The following SLC7A1 variants were observed in gnomAD, a reference collection of about 807,000 sequenced individuals.
SLC7A1 encodes solute carrier family 7 member 1.
In SLC7A1, 10 loss-of-function variants were observed where a neutral mutation model predicts 53.9. That is an observed-to-expected ratio of 0.19 (90% CI 0.11 to 0.31). The LOEUF (loss-of-function observed/expected upper bound fraction) is 0.31, where lower values mean the gene tolerates loss of function less well. SLC7A1 is among the 10% of genes least tolerant of loss of function. SLC7A1 has a pLI of 1.00. For missense variants in SLC7A1, 525 were observed against 827.2 expected, an observed-to-expected ratio of 0.63 and a Z score of 4.48; for synonymous variants, 342 against 338.7, an observed-to-expected ratio of 1.01 and a Z score of -0.11.
chr13:29,569,648 T>C (rs965491335), intron 1 of SLC7A1, among the ~76,000 whole-genome samples: 3 of 152,210 alleles, frequency 2.0e-5, no homozygotes, highest in African/African-American at 7.2e-5. Context: ...ACAGTGAGTC[T>C]AGTGATAGGT....
At position 29,545,270 on chromosome 13, in the gene SLC7A1, C is replaced by A. The variant is rs901563602; in HGVS notation, c.-15+8491G>T. On this transcript the variant is annotated intron_variant, in intron 2 of 12. Coordinates refer to ENST00000380752, the MANE Select transcript of SLC7A1 (RefSeq NM_003045.5). ...TTGTCTAGGAAGCCCTCTCCAAGCC[C>A]GTCTCCTCACAGGTAACCTCTGTCA... 2.0e-5 allele frequency among the ~76,000 whole-genome samples: 3 copies of A among 152,122 alleles called. No individual in the cohort carries two copies. In the East Asian group the frequency reaches 5.8e-4, roughly 29 times the overall value.
intron 1 of SLC7A1, among the ~76,000 whole-genome samples, chr13:29,555,670 A>AG (rs1252341644): frequency 1.7e-4 from 26 of 150,824 alleles, no homozygotes; most frequent in Admixed American, 6.6e-4. Context: ...GGAAAAAAAA[A>AG]GGGGGGGCGG....
At chr13:29,566,521 C>A (rs187621613) in intron 1 of SLC7A1, among the ~76,000 whole-genome samples, 1 of 152,190 alleles carries the variant, frequency 6.6e-6, no homozygotes, top group Non-Finnish European at 1.5e-5. Flanking sequence ...AGAAGCCAGA[C>A]ATAAAGGGTC....
chr13:29,553,609 A>G (rs1870299493), intron 2 of SLC7A1, among the ~76,000 whole-genome samples, 152 bp downstream of exon 2: 1 of 152,214 alleles, frequency 6.6e-6, no homozygotes, highest in Admixed American at 6.5e-5. Flanking sequence ...AAATTACAGC[A>G]TTTGGAAATC....
At chr13:29,589,169 A>G (rs935852394) in intron 1 of SLC7A1, among the ~76,000 whole-genome samples, 10 of 152,250 alleles carry the variant, frequency 6.6e-5, no homozygotes, top group African/African-American at 1.9e-4. Flanking sequence ...GCACCTCCGC[A>G]AGATATTGTA....
At chr13:29,528,637 A>T (rs1388225372) in intron 5 of SLC7A1, among the ~76,000 whole-genome samples, 1 of 152,164 alleles carries the variant, frequency 6.6e-6, no homozygotes, top group Non-Finnish European at 1.5e-5. Flanking sequence ...AAAAAGAAAG[A>T]AAGTTGCTTA....
chr13:29,538,052 G>A (rs982408091), intron 2 of SLC7A1, among the ~76,000 whole-genome samples: 11 of 152,156 alleles, frequency 7.2e-5, no homozygotes, highest in African/African-American at 2.7e-4. Flanking sequence ...TGCCTGCTCT[G>A]TTTTATCTGA....
At position 29,510,224 on chromosome 13, in the gene SLC7A1, G is replaced by A. The variant is rs1158624507; in HGVS notation, c.*4256C>T. On this transcript the variant is annotated 3_prime_UTR_variant, in exon 13 of 13. Transcript: ENST00000380752. ...GCCCCGAGACTCCAGGCCCAGCCGG[G>A]TCCCGATGGCGAGAGCGTTGTGGCT... 1 of 152,652 alleles carries A rather than the reference G, an allele frequency of 6.6e-6. No homozygotes were observed. The highest frequency in any genetic ancestry group is 6.5e-5 in the Admixed American group (1 of 15,284). The allele number at this position is 152,652 out of a possible 1,614,324, so 9.5% of individuals were successfully genotyped here. A position where few individuals can be genotyped will look rare whatever the true frequency, so the allele number is the denominator to read the frequency against.
At chr13:29,555,776 C>A (rs1042827743) in intron 1 of SLC7A1, among the ~76,000 whole-genome samples, 1 of 152,144 alleles carries the variant, frequency 6.6e-6, no homozygotes, top group Non-Finnish European at 1.5e-5. Flanking sequence ...AACTTGTATT[C>A]GTCACCAAGA....
intron 1 of SLC7A1, among the ~76,000 whole-genome samples, chr13:29,590,543 G>A (rs1464872950): frequency 1.3e-5 from 2 of 152,122 alleles, no homozygotes; most frequent in Admixed American, 6.5e-5. Context: ...CATGCTCAGG[G>A]AGACATCAGG....
At position 29,514,294 on chromosome 13, in the gene SLC7A1, C is replaced by A. The variant is rs1342383802; in HGVS notation, c.*186G>T. ...GGCAGCTGTCTGGAGGTGACCAGGG[C>A]CCGGAGAACCGGCTGCAGAGCCGAG... On this transcript the variant is annotated 3_prime_UTR_variant, in exon 13 of 13. Transcript: ENST00000380752. 1.2e-5 allele frequency: 7 copies of A among 593,246 alleles called. No individual in the cohort carries two copies. Among genetic ancestry groups the A allele is most frequent in the Non-Finnish European group, 2.1e-5 (7 of 330,172 alleles). 36.7% of individuals were successfully genotyped at this position (593,246 alleles called of 1,614,324 possible).
At chr13:29,518,355 A>G (rs1312100350) in intron 9 of SLC7A1, among the ~76,000 whole-genome samples, 1 of 152,212 alleles carries the variant, frequency 6.6e-6, no homozygotes, top group Admixed American at 6.5e-5. Context: ...TTTCCAAGAC[A>G]TGAGCTACCT....
intron 1 of SLC7A1, among the ~76,000 whole-genome samples, chr13:29,592,600 G>A (rs1438462265): frequency 2.0e-5 from 3 of 152,198 alleles, no homozygotes; most frequent in Admixed American, 2.0e-4. Context: ...AACCACAGGG[G>A]TGGTTATTTT....
chr13:29,520,379 G>T (rs1431984777), intron 8 of SLC7A1, among the ~76,000 whole-genome samples: 1 of 152,154 alleles, frequency 6.6e-6, no homozygotes, highest in Non-Finnish European at 1.5e-5. Context: ...GGACTCACAG[G>T]AGGTCCTAAC....
intron 5 of SLC7A1, among the ~76,000 whole-genome samples, chr13:29,525,768 G>T (rs1292997815): frequency 6.6e-6 from 1 of 152,206 alleles, no homozygotes; most frequent in Non-Finnish European, 1.5e-5. Context: ...AGGAAAAACT[G>T]TGGCCAAACA....
chr13:29,544,663 G>A (rs530827136), intron 2 of SLC7A1, among the ~76,000 whole-genome samples: 72 of 152,078 alleles, frequency 4.7e-4, no homozygotes, highest in Non-Finnish European at 9.0e-4. Context: ...ACGTCCCCAA[G>A]GGCATTTGAC....
chr13:29,591,235 G>A (rs1338060097), intron 1 of SLC7A1, among the ~76,000 whole-genome samples: 5 of 152,154 alleles, frequency 3.3e-5, no homozygotes, highest in Admixed American at 2.0e-4. Context: ...CCATAACATG[G>A]ATTATCTCAT....
rs1593534132 is a variant in SLC7A1, at chr13:29,510,933, T to A, written c.*3547A>T. ...CTGGGTGGGGCCCCTATGGGGCATG[T>A]CCACGTGCCCCCCACCAGACTCATT... On this transcript the variant is annotated 3_prime_UTR_variant, in exon 13 of 13. Transcript: ENST00000380752. 6.6e-6 allele frequency: 1 copy of A among 152,376 alleles called. No homozygotes were observed. The highest frequency in any genetic ancestry group is 1.9e-4 in the East Asian group (1 of 5,186). 9.4% of individuals were successfully genotyped at this position (152,376 alleles called of 1,614,324 possible). A position where few individuals can be genotyped will look rare whatever the true frequency, so the allele number is the denominator to read the frequency against.
chr13:29,511,524 T>G lies in SLC7A1; in HGVS notation c.*2956A>C, dbSNP rs1441732282. The G allele has an allele frequency of 6.6e-6, 1 of 151,216 alleles. No individual in the cohort carries two copies. Among genetic ancestry groups the G allele is most frequent in the Non-Finnish European group, 1.5e-5 (1 of 67,866 alleles). 9.4% of individuals were successfully genotyped at this position (151,216 alleles called of 1,614,324 possible). ...CAGGGATGATAAGTAGAGTGGGGGG[T>G]GTGTAGAGGCCTGGTCTCCTCCGGA... is the stretch of plus-strand genomic sequence containing the variant. On this transcript the variant is annotated 3_prime_UTR_variant, in exon 13 of 13. Coordinates refer to ENST00000380752, the MANE Select transcript of SLC7A1 (RefSeq NM_003045.5).
Sources: allele counts gnomAD v4.1 joint callset (sites outside exome capture counted in the v4.1 genomes callset), GRCh38; gene constraint gnomAD v4.1.1; transcripts MANE v1.5; gene names NCBI Gene and HGNC (gene_info 2026-07-23, HGNC 2026-07-21).